The following PAK5 variants were observed in gnomAD, a reference collection of about 807,000 sequenced individuals.
PAK5 encodes p21 (RAC1) activated kinase 5.
In PAK5, 16 loss-of-function variants were observed where a neutral mutation model predicts 65.9. That is an observed-to-expected ratio of 0.24 (90% CI 0.16 to 0.37). The LOEUF is 0.37. Ranked by LOEUF, PAK5 falls within the 10% of genes least tolerant of loss-of-function variation. The pLI is 1.00. For synonymous variants in PAK5, 371 were observed against 354.9 expected, an observed-to-expected ratio of 1.05 and a Z score of -0.51; for missense variants, 785 against 903.9, an observed-to-expected ratio of 0.87 and a Z score of 1.69.
At chr20:9,734,387 G>A (rs931009817) in intron 1 of PAK5, among the ~76,000 whole-genome samples, 29 of 151,988 alleles carry the variant, frequency 1.9e-4, no homozygotes, top group African/African-American at 7.0e-4. Flanking sequence ...AAATCAAAAA[G>A]GGAATGATAA....
intron 3 of PAK5, among the ~76,000 whole-genome samples, chr20:9,642,616 G>A (rs2047083810): frequency 6.6e-6 from 1 of 152,080 alleles, no homozygotes; most frequent in African/African-American, 2.4e-5. Context: ...TAAAGATATG[G>A]TCCACCTTAT....
At chr20:9,679,385 T>A (rs1473566324) in intron 2 of PAK5, among the ~76,000 whole-genome samples, 1 of 152,202 alleles carries the variant, frequency 6.6e-6, no homozygotes, top group Non-Finnish European at 1.5e-5. Context: ...CCTCACATTG[T>A]TCAAGGGTCC....
Position 9,756,322 on chromosome 20 carries a change from C to T in PAK5, c.-161-44887G>A, listed in dbSNP as rs536675860. Reference sequence around the variant, plus strand: ...ATTAGTTGAGCCAAAAATGTATCTACGTATCTGGTTCTCTGATGCATTGGG... The same window carrying T: ...ATTAGTTGAGCCAAAAATGTATCTATGTATCTGGTTCTCTGATGCATTGGG... On this transcript the variant is annotated intron_variant, in intron 1 of 9. Coordinates refer to ENST00000353224, the MANE Select transcript of PAK5 (RefSeq NM_177990.4). Among the ~76,000 whole-genome samples the T allele has an allele frequency of 7.9e-5, 12 of 152,204 alleles. No homozygotes were observed. In the South Asian group the frequency reaches 1.0e-3, roughly 13 times the overall value.
At chr20:9,617,259 T>G (rs1680082864) in intron 3 of PAK5, among the ~76,000 whole-genome samples, 1 of 152,204 alleles carries the variant, frequency 6.6e-6, no homozygotes, top group African/African-American at 2.4e-5. Flanking sequence ...CCGTGTACTT[T>G]TCTTGAGAAA....
chr20:9,726,716 G>A (rs540939229), intron 1 of PAK5, among the ~76,000 whole-genome samples: 20 of 152,098 alleles, frequency 1.3e-4, no homozygotes, highest in African/African-American at 4.8e-4. Context: ...CCTAATGCAC[G>A]CAGGGCTTAA....
chr20:9,769,850 TG>T (rs1345431433), intron 1 of PAK5, among the ~76,000 whole-genome samples: 1 of 152,234 alleles, frequency 6.6e-6, no homozygotes, highest in Non-Finnish European at 1.5e-5. Context: ...GGCATTGAAA[TG>T]AAATATTTAT....
At chr20:9,817,973 T>A (rs2123766597) in intron 1 of PAK5, among the ~76,000 whole-genome samples, 1 of 152,330 alleles carries the variant, frequency 6.6e-6, no homozygotes, top group Admixed American at 6.5e-5. Flanking sequence ...AAATCCAGCT[T>A]TTATTTATCT....
At chr20:9,569,759 G>A (rs1047982433) in intron 4 of PAK5, among the ~76,000 whole-genome samples, 3 of 149,146 alleles carry the variant, frequency 2.0e-5, no homozygotes, top group African/African-American at 7.8e-5. Context: ...TGCTACCATA[G>A]CACCATTCTC....
chr20:9,633,773 C>T (rs1336022063), intron 3 of PAK5, among the ~76,000 whole-genome samples: 1 of 152,208 alleles, frequency 6.6e-6, no homozygotes, highest in Non-Finnish European at 1.5e-5. Flanking sequence ...CCAGGAGTTA[C>T]AGTAGGGGAA....
chr20:9,663,840 C>CT (rs1174663095), intron 2 of PAK5, among the ~76,000 whole-genome samples: 1 of 152,132 alleles, frequency 6.6e-6, no homozygotes, highest in Non-Finnish European at 1.5e-5. Context: ...TTCTACTTTT[C>CT]TATGTGTAAC....
chr20:9,578,879 A>AT (rs1432910085), intron 4 of PAK5, among the ~76,000 whole-genome samples: 1 of 152,126 alleles, frequency 6.6e-6, no homozygotes, highest in East Asian at 1.9e-4. Flanking sequence ...TAAAAAAAAA[A>AT]CACTGTCACT....
intron 1 of PAK5, among the ~76,000 whole-genome samples, chr20:9,782,851 G>A (rs758607497): frequency 3.3e-5 from 5 of 152,022 alleles, no homozygotes; most frequent in African/African-American, 4.8e-5. Flanking sequence ...CACCACCATC[G>A]TCAAACATTT....
intron 3 of PAK5, among the ~76,000 whole-genome samples, chr20:9,598,175 G>T (rs144973271): frequency 0.01 from 1,522 of 152,182 alleles, 15 homozygotes; most frequent in Non-Finnish European, 0.015. Context: ...TTTTCTCATT[G>T]TTCAGCTCCC....
intron 1 of PAK5, among the ~76,000 whole-genome samples, chr20:9,722,611 T>A (rs2048230024): frequency 6.6e-6 from 1 of 152,074 alleles, no homozygotes; most frequent in Non-Finnish European, 1.5e-5. Context: ...AGACTCCGTC[T>A]CAAATAAATA....
chr20:9,823,791 G>A (rs982063486), intron 1 of PAK5, among the ~76,000 whole-genome samples: 2 of 150,736 alleles, frequency 1.3e-5, no homozygotes, highest in East Asian at 1.9e-4. Context: ...ACTTGCTCTC[G>A]AATCCTTGCC....
Position 9,549,602 on chromosome 20 carries a change from G to A in PAK5, c.1744-5108C>T, listed in dbSNP as rs138580854. On this transcript the variant is annotated intron_variant, in intron 7 of 9. Coordinates refer to ENST00000353224, the MANE Select transcript of PAK5 (RefSeq NM_177990.4). ...TGAACACCAGCCTTGGCCATACCCC[G>A]TGTGAAAGGAAAATAAAAACTCAGG... Among the ~76,000 whole-genome samples the A allele has an allele frequency of 2.8e-4, 42 of 152,218 alleles. 1 individual carries two copies. Among genetic ancestry groups the A allele is most frequent in the Admixed American group, 2.1e-3 (32 of 15,290 alleles).
chr20:9,652,039 T>A (rs907977527), intron 2 of PAK5, among the ~76,000 whole-genome samples: 1 of 152,200 alleles, frequency 6.6e-6, no homozygotes, highest in Non-Finnish European at 1.5e-5. Context: ...TCTTATTGAC[T>A]CCCTCACGAA....
At chr20:9,548,504 T>C (rs1603196299) in intron 7 of PAK5, among the ~76,000 whole-genome samples, 1 of 152,192 alleles carries the variant, frequency 6.6e-6, no homozygotes, top group Non-Finnish European at 1.5e-5. Flanking sequence ...GAATTTGGCA[T>C]GCACTCAATC....
intron 1 of PAK5, among the ~76,000 whole-genome samples, chr20:9,824,029 C>T (rs1180149679): frequency 6.6e-6 from 1 of 152,086 alleles, no homozygotes; most frequent in African/African-American, 2.4e-5. Flanking sequence ...ATAGTGTTTA[C>T]AAAACATATA....
Sources: gnomAD v4.1 joint callset for allele counts (sites outside exome capture counted in the v4.1 genomes callset) on GRCh38, gnomAD v4.1.1 for gene constraint, MANE v1.5 for transcripts, NCBI Gene and HGNC (gene_info 2026-07-23, HGNC 2026-07-21) for gene names.